The following PTPRM variants were observed in gnomAD, a reference collection of about 807,000 sequenced individuals.
PTPRM encodes protein tyrosine phosphatase receptor type M.
In PTPRM, 47 loss-of-function variants were observed where a neutral mutation model predicts 186.7. The observed-to-expected ratio is 0.25, with a 90% CI of 0.20 to 0.32. The LOEUF (loss-of-function observed/expected upper bound fraction) is 0.32. PTPRM is among the 10% of genes least tolerant of loss of function. The pLI is 1.00. For synonymous variants in PTPRM, 668 were observed against 674.9 expected (o/e 0.99, Z 0.16); for missense variants, 1,494 against 1,865.0 (o/e 0.80, Z 3.66).
intron 1 of PTPRM, among the ~76,000 whole-genome samples, chr18:7,773,106 ATTC>A: frequency 6.6e-6 from 1 of 152,042 alleles, no homozygotes. Flanking sequence ...ATTTTCTATT[ATTC>A]TTTGTTTTTT....
intron 1 of PTPRM, among the ~76,000 whole-genome samples, chr18:7,583,340 G>A (rs917705683): frequency 6.6e-6 from 1 of 152,182 alleles, no homozygotes; most frequent in African/African-American, 2.4e-5. Flanking sequence ...TGGTATTTTA[G>A]GGTTTATGGA....
At chr18:7,700,443 G>C (rs2039935326) in intron 1 of PTPRM, among the ~76,000 whole-genome samples, 1 of 152,168 alleles carries the variant, frequency 6.6e-6, no homozygotes, top group Non-Finnish European at 1.5e-5. Context: ...ATGAGCTGTA[G>C]AAGCTGAAGT....
chr18:7,984,602 T>TATACACACACACACAC (rs1214502563), intron 7 of PTPRM, among the ~76,000 whole-genome samples: 1 of 87,198 alleles, frequency 1.1e-5, no homozygotes, highest in African/African-American at 4.9e-5. Flanking sequence ...TATATATATA[T>TATACACACACACACAC]ACACACACAC....
At chr18:8,077,445 G>C (rs189274584) in intron 9 of PTPRM, among the ~76,000 whole-genome samples, 2 of 152,058 alleles carry the variant, frequency 1.3e-5, no homozygotes, top group Admixed American at 6.5e-5. Flanking sequence ...TTGAAAATTG[G>C]TATTGAAACA....
chr18:8,236,214 A>G (rs6506563), intron 14 of PTPRM, among the ~76,000 whole-genome samples: 60,702 of 152,044 alleles, frequency 0.4, 12,495 homozygotes, highest in Middle Eastern at 0.56. Flanking sequence ...TCTCCTTGCA[A>G]TTCTATCACC....
intron 7 of PTPRM, among the ~76,000 whole-genome samples, chr18:8,025,185 G>A (rs1299878731): frequency 2.0e-5 from 3 of 152,210 alleles, no homozygotes; most frequent in Middle Eastern, 3.4e-3. Flanking sequence ...GAAATACCAC[G>A]TTTGCAGCAA....
rs890478489 is a variant in PTPRM, at chr18:7,853,977, C to G, written c.197-34129C>G. Reference sequence around the variant, plus strand: ...TGGAGAGAAAATGAGCCATAAAATTCTCTGTATCTGTTGGACCTAGACTGC... The same window carrying G: ...TGGAGAGAAAATGAGCCATAAAATTGTCTGTATCTGTTGGACCTAGACTGC... On this transcript the variant is annotated intron_variant, in intron 2 of 32. Coordinates refer to ENST00000580170, the MANE Select transcript of PTPRM (RefSeq NM_001105244.2). Among the ~76,000 whole-genome samples, 10 of 152,312 alleles carry G rather than the reference C, an allele frequency of 6.6e-5. No homozygotes were observed. The East Asian group carries it at 1.9e-3, about 29-fold the overall frequency.
chr18:8,265,476 C>T (rs566482257), intron 19 of PTPRM, among the ~76,000 whole-genome samples: 6 of 152,240 alleles, frequency 3.9e-5, no homozygotes, highest in Admixed American at 2.6e-4. Context: ...AAGAAGAAGA[C>T]AAGTTTGTAA....
intron 1 of PTPRM, among the ~76,000 whole-genome samples, chr18:7,577,026 A>G (rs977021819): frequency 7.2e-5 from 11 of 152,216 alleles, no homozygotes; most frequent in Non-Finnish European, 5.9e-5. Context: ...TGAAGAAACA[A>G]TTTAAAGAAG....
intron 32 of PTPRM, 36 bp from the exon 33 acceptor site, chr18:8,406,073 A>G (rs1216330724): frequency 2.5e-6 from 4 of 1,601,456 alleles, no homozygotes; most frequent in East Asian, 2.2e-5. Flanking sequence ...GCGTTGAGAT[A>G]TTCTTGAGCT....
At chr18:8,306,071 AT>A (rs2095218621) in intron 20 of PTPRM, among the ~76,000 whole-genome samples, 1 of 151,622 alleles carries the variant, frequency 6.6e-6, no homozygotes, top group Non-Finnish European at 1.5e-5. Flanking sequence ...CTAATTTTGT[AT>A]TTTTGGTAGA....
At chr18:8,394,083 C>T (rs556077011) in intron 31 of PTPRM, among the ~76,000 whole-genome samples, 4 of 152,294 alleles carry the variant, frequency 2.6e-5, no homozygotes, top group Admixed American at 6.5e-5. Flanking sequence ...TGAGTCACTG[C>T]GCCCAGCTGC....
At chr18:8,091,937 A>G (rs1003688076) in intron 11 of PTPRM, among the ~76,000 whole-genome samples, 3 of 152,206 alleles carry the variant, frequency 2.0e-5, no homozygotes, top group African/African-American at 7.2e-5. Flanking sequence ...TAAGATAAAT[A>G]CTAGAAGGAG....
intron 7 of PTPRM, among the ~76,000 whole-genome samples, chr18:7,978,300 A>G (rs1297076092): frequency 3.3e-5 from 5 of 152,208 alleles, no homozygotes; most frequent in Non-Finnish European, 7.3e-5. Context: ...GTTATTCAAC[A>G]CCGAGAGATA....
At chr18:8,166,147 G>A (rs149182827) in intron 14 of PTPRM, among the ~76,000 whole-genome samples, 3 of 152,280 alleles carry the variant, frequency 2.0e-5, no homozygotes, top group African/African-American at 4.8e-5. Flanking sequence ...AATAAACGCA[G>A]ATCCTATCTA....
chr18:7,966,563 G>C (rs1023322869), intron 7 of PTPRM, among the ~76,000 whole-genome samples: 5 of 148,926 alleles, frequency 3.4e-5, no homozygotes, highest in African/African-American at 4.9e-5. Flanking sequence ...TCTCACTAGG[G>C]AGTGCCAGAC....
chr18:7,793,671 A>G (rs543424484), intron 2 of PTPRM, among the ~76,000 whole-genome samples: 3 of 152,210 alleles, frequency 2.0e-5, no homozygotes, highest in East Asian at 1.9e-4. Flanking sequence ...TATGGAAGGG[A>G]AGTGGTGGGA....
intron 5 of PTPRM, among the ~76,000 whole-genome samples, chr18:7,947,790 C>A (rs1341257178): frequency 1.3e-5 from 2 of 152,136 alleles, no homozygotes; most frequent in Non-Finnish European, 2.9e-5. Context: ...TGCAGTTTGT[C>A]TGCAATGGGG....
chr18:7,854,947 G>A (rs915718994), intron 2 of PTPRM, among the ~76,000 whole-genome samples: 1 of 152,028 alleles, frequency 6.6e-6, no homozygotes, highest in Non-Finnish European at 1.5e-5. Context: ...GCATATCCTT[G>A]AAGGTTAGGT....
Sources: allele counts gnomAD v4.1 joint callset (sites outside exome capture counted in the v4.1 genomes callset), GRCh38; gene constraint gnomAD v4.1.1; transcripts MANE v1.5; gene names NCBI Gene and HGNC (gene_info 2026-07-23, HGNC 2026-07-21).